The following TRPC7 variants were observed in gnomAD, a reference collection of about 807,000 sequenced individuals.
The protein encoded by TRPC7 is short transient receptor potential channel 7.
A neutral mutation model predicts 90.1 loss-of-function variants in TRPC7; 42 were observed. The ratio of observed to expected loss-of-function variants is 0.47; its 90% CI spans 0.36 to 0.60. The LOEUF is 0.60. Ranked by LOEUF, TRPC7 falls within the 20% of genes least tolerant of loss-of-function variation. The pLI, the probability that TRPC7 is intolerant of heterozygous loss-of-function variation, is 0.00. For missense variants in TRPC7, 955 were observed against 1,112.3 expected (o/e 0.86, Z 2.01); for synonymous variants, 451 against 436.3 (o/e 1.03, Z -0.42).
intron 5 of TRPC7, among the ~76,000 whole-genome samples, chr5:136,254,254 T>C (rs1756617912): frequency 6.6e-6 from 1 of 152,240 alleles, no homozygotes; most frequent in South Asian, 2.1e-4. Flanking sequence ...ATTTTTGATG[T>C]AGATTAAACA....
At chr5:136,304,159 A>G (rs1394175522) in intron 3 of TRPC7, among the ~76,000 whole-genome samples, 2 of 151,780 alleles carry the variant, frequency 1.3e-5, no homozygotes, top group African/African-American at 4.8e-5. Context: ...CCCAATCCAA[A>G]GCATCCTTTG....
Position 136,213,699 on chromosome 5 carries a change from TGTCGG to T in TRPC7, c.2420-100_2420-96del, listed in dbSNP as rs769123609. The stretch of plus-strand genomic sequence containing the variant: ...GGGCATGTGCATCCTTCCAGTGGAA[TGTCGG>T]GTCCTGGGCCAGCCCACCAGGGTTG... On this transcript the variant is annotated intron_variant, in intron 11 of 11. Coordinates refer to ENST00000513104, the MANE Select transcript of TRPC7 (RefSeq NM_020389.3). 19 of 1,407,796 alleles carry T rather than the reference TGTCGG, an allele frequency of 1.3e-5. No individual in the cohort carries two copies. In the East Asian group the frequency reaches 1.6e-4, roughly 12 times the overall value. The allele number at this position is 1,407,796 out of a possible 1,614,324, so 87.2% of individuals were successfully genotyped here.
chr5:136,359,191 A>G (rs1760483335), intron 1 of TRPC7, among the ~76,000 whole-genome samples: 2 of 152,202 alleles, frequency 1.3e-5, no homozygotes, highest in African/African-American at 4.8e-5. Flanking sequence ...TTTTGGTTTT[A>G]GCTCCTTGGG....
chr5:136,318,301 C>T (rs1759091853), intron 2 of TRPC7, among the ~76,000 whole-genome samples: 1 of 152,134 alleles, frequency 6.6e-6, no homozygotes, highest in African/African-American at 2.4e-5. Context: ...TTTAAATATT[C>T]CTGAACACTG....
chr5:136,290,467 C>T (rs1044106590), intron 3 of TRPC7, among the ~76,000 whole-genome samples: 1 of 152,182 alleles, frequency 6.6e-6, no homozygotes, highest in African/African-American at 2.4e-5. Flanking sequence ...GAGCTGAAAA[C>T]CACGGCATGA....
intron 2 of TRPC7, among the ~76,000 whole-genome samples, chr5:136,317,439 G>C (rs541508650): frequency 1.3e-5 from 2 of 152,292 alleles, no homozygotes; most frequent in African/African-American, 4.8e-5. Flanking sequence ...CCTCAGATTT[G>C]CACAAGGCTA....
At chr5:136,343,431 G>A (rs1759905692) in intron 2 of TRPC7, among the ~76,000 whole-genome samples, 1 of 152,134 alleles carries the variant, frequency 6.6e-6, no homozygotes, top group Non-Finnish European at 1.5e-5. Context: ...TAGAAAATAG[G>A]AAATAAGATC....
chr5:136,317,438 T>C (rs182636609), intron 2 of TRPC7, among the ~76,000 whole-genome samples: 8 of 152,316 alleles, frequency 5.3e-5, no homozygotes, highest in African/African-American at 1.9e-4. Flanking sequence ...CCCTCAGATT[T>C]GCACAAGGCT....
intron 1 of TRPC7, among the ~76,000 whole-genome samples, chr5:136,360,284 TACAAAACAAA>T (rs138394162): frequency 1.6e-4 from 25 of 151,590 alleles, no homozygotes; most frequent in Admixed American, 2.6e-4. Context: ...TTCCACTCAT[TACAAAACAAA>T]ACAAAACAAA....
chr5:136,256,877 C>A (rs1251854684), intron 5 of TRPC7, among the ~76,000 whole-genome samples: 1 of 152,226 alleles, frequency 6.6e-6, no homozygotes, highest in Non-Finnish European at 1.5e-5. Flanking sequence ...TGTGTTTCTT[C>A]CTTTCTTTTT....
chr5:136,293,232 G>C (rs1166949245), intron 3 of TRPC7, among the ~76,000 whole-genome samples: 4 of 152,150 alleles, frequency 2.6e-5, no homozygotes, highest in Admixed American at 2.6e-4. Flanking sequence ...ACTGGCACAA[G>C]ACAGGGATGC....
chr5:136,227,888 T>C (rs184842427), intron 8 of TRPC7, among the ~76,000 whole-genome samples: 2 of 152,342 alleles, frequency 1.3e-5, no homozygotes, highest in Admixed American at 1.3e-4. Flanking sequence ...CACGGAACAG[T>C]GCCAGACATT....
At chr5:136,357,461 A>T in intron 1 of TRPC7, 76 bp from the exon 2 acceptor site, 2 of 1,390,402 alleles carry the variant, frequency 1.4e-6, no homozygotes, top group Non-Finnish European at 1.9e-6. Flanking sequence ...AATGGTTGAG[A>T]TACACAAAGA....
chr5:136,346,442 G>A (rs1029689659), intron 2 of TRPC7, among the ~76,000 whole-genome samples: 1 of 152,034 alleles, frequency 6.6e-6, no homozygotes, highest in Non-Finnish European at 1.5e-5. Context: ...TCTCTCGGCT[G>A]CCCTCCCTCC....
chr5:136,225,514 G>T (rs1363762216), intron 9 of TRPC7, among the ~76,000 whole-genome samples, 160 bp from the exon 10 acceptor site: 1 of 149,008 alleles, frequency 6.7e-6, no homozygotes, highest in African/African-American at 2.6e-5. Context: ...CTAGAACATT[G>T]TTCCTAGGAC....
intron 3 of TRPC7, among the ~76,000 whole-genome samples, chr5:136,286,554 C>T (rs11957469): frequency 6.6e-6 from 1 of 152,196 alleles, no homozygotes; most frequent in Non-Finnish European, 1.5e-5. Flanking sequence ...GTATAGCCTT[C>T]TGATGTCTTC....
At chr5:136,268,945 TCACA>T (rs1368585390) in intron 4 of TRPC7, among the ~76,000 whole-genome samples, 3 of 152,238 alleles carry the variant, frequency 2.0e-5, no homozygotes, top group Non-Finnish European at 2.9e-5. Flanking sequence ...CCTATTTGAC[TCACA>T]CAGATAATTT....
At chr5:136,305,454 C>T (rs1758583066) in intron 3 of TRPC7, among the ~76,000 whole-genome samples, 1 of 152,120 alleles carries the variant, frequency 6.6e-6, no homozygotes, top group Admixed American at 6.6e-5. Flanking sequence ...TATTCTACTA[C>T]TCCTCAGGGA....
chr5:136,220,270 G>A (rs1480064029), intron 10 of TRPC7, among the ~76,000 whole-genome samples: 2 of 152,160 alleles, frequency 1.3e-5, no homozygotes, highest in Admixed American at 1.3e-4. Flanking sequence ...CTGCGTGGTC[G>A]GGCAGAATAG....
Sources: allele counts gnomAD v4.1 joint callset (sites outside exome capture counted in the v4.1 genomes callset), GRCh38; gene constraint gnomAD v4.1.1; transcripts MANE v1.5; gene names NCBI Gene and HGNC (gene_info 2026-07-23, HGNC 2026-07-21).